The following DNAAF9 variants were observed in gnomAD, a reference collection of about 807,000 sequenced individuals.
DNAAF9 encodes dynein axonemal assembly factor 9.
Under a neutral mutation model 167.0 loss-of-function variants are expected in DNAAF9, and 90 were observed. The ratio of observed to expected loss-of-function variants is 0.54; its 90% CI spans 0.45 to 0.64. The LOEUF is 0.64. DNAAF9 is among the 30% of genes least tolerant of loss of function. DNAAF9 has a pLI of 0.00. For synonymous variants in DNAAF9, 491 were observed against 508.8 expected (o/e 0.96, Z 0.47); for missense variants, 1,315 against 1,442.2 (o/e 0.91, Z 1.43).
At chr20:3,359,141 A>G (rs550698570) in intron 7 of DNAAF9, among the ~76,000 whole-genome samples, 1 of 152,326 alleles carries the variant, frequency 6.6e-6, no homozygotes, top group South Asian at 2.1e-4. Context: ...CCGGGCTCTA[A>G]TCCTTGATTC....
intron 1 of DNAAF9, among the ~76,000 whole-genome samples, chr20:3,397,669 AT>A (rs2123295723): frequency 6.6e-6 from 1 of 151,268 alleles, no homozygotes; most frequent in South Asian, 2.1e-4. Flanking sequence ...ACCTTATTAT[AT>A]TAGTGGTTTA....
chr20:3,331,448 T>C (rs920053708), intron 11 of DNAAF9, among the ~76,000 whole-genome samples: 1 of 152,176 alleles, frequency 6.6e-6, no homozygotes, highest in African/African-American at 2.4e-5. Flanking sequence ...GAGACCTGCG[T>C]TCATTCCATA....
rs148120536 is a variant in DNAAF9 at position 3,356,402 on chromosome 20, C to T, written c.690+3114G>A. 5.0e-3 allele frequency among the ~76,000 whole-genome samples: 764 copies of T among 152,196 alleles called. 6 individuals are homozygous for T. The highest frequency in any genetic ancestry group is 0.017 in the African/African-American group (708 of 41,526). On this transcript the variant is annotated intron_variant, in intron 7 of 36. Coordinates refer to ENST00000252032, the MANE Select transcript of DNAAF9 (RefSeq NM_001009984.3). ...ATATTTGAAGGTTTTAGGAGAATTA[C>T]GAAATGTGTTCCTGGTAATTTCTCT...
intron 7 of DNAAF9, among the ~76,000 whole-genome samples, chr20:3,353,645 C>G (rs6037570): frequency 7.5e-5 from 10 of 133,564 alleles, no homozygotes; most frequent in African/African-American, 1.7e-4. Context: ...CACCCCCCCC[C>G]CCGCAAAAAA....
In DNAAF9 at chr20:3,294,568, A is replaced by T. The variant is rs2069029619; in HGVS notation, c.2080T>A (p.Ser694Thr). 2 of 1,613,684 alleles carry T rather than the reference A, an allele frequency of 1.2e-6. No individual in the cohort carries two copies. The highest frequency in any genetic ancestry group is 8.5e-7 in the Non-Finnish European group (1 of 1,179,668). ...LSQPAGEKRSSLKLLSAKLPE... is the reference protein window; with the variant it reads ...LSQPAGEKRSTLKLLSAKLPE... The stretch of plus-strand genomic sequence containing the variant: ...AGTTTGGCTGAGAGTAACTTTAGGG[A>T]ACTCCGTTTCTCCCCAGCAGGCTGG... The change falls in exon 24 of 37, where the codon TCC becomes ACC. Residue 694 changes from serine to threonine, a missense_variant. Coordinates refer to ENST00000252032, the MANE Select transcript of DNAAF9 (RefSeq NM_001009984.3).
chr20:3,378,337 G>A lies in DNAAF9; in HGVS notation c.284-2035C>T, dbSNP rs116595687. ...TTGTCCCTTTAGGAAGAGTTATTGT[G>A]TGCAGTGGTGAGCTTTGTACGCAGG... On this transcript the variant is annotated intron_variant, in intron 3 of 36. Transcript: ENST00000252032. Among the ~76,000 whole-genome samples, 421 of 152,312 alleles carry A rather than the reference G, an allele frequency of 2.8e-3. 1 individual carries two copies. Among genetic ancestry groups the A allele is most frequent in the African/African-American group, 9.5e-3 (396 of 41,564 alleles).
chr20:3,396,350 A>T (rs1315101001), intron 1 of DNAAF9, among the ~76,000 whole-genome samples: 1 of 152,212 alleles, frequency 6.6e-6, no homozygotes, highest in Non-Finnish European at 1.5e-5. Flanking sequence ...ATTTATTTAC[A>T]GTTTTTATTT....
chr20:3,343,816 C>T, intron 8 of DNAAF9, 85 bp from the exon 9 acceptor site: 2 of 984,486 alleles, frequency 2.0e-6, no homozygotes, highest in Non-Finnish European at 3.2e-6. Context: ...TGTATGTACA[C>T]ACATGCTTCA....
chr20:3,360,657 G>C (rs1158137871), intron 6 of DNAAF9, among the ~76,000 whole-genome samples: 2 of 152,130 alleles, frequency 1.3e-5, no homozygotes, highest in Non-Finnish European at 1.5e-5. Context: ...CCCTGCTGAG[G>C]ATCTTGAGAA....
chr20:3,298,169 T>C lies in DNAAF9; in HGVS notation c.1789A>G (p.Thr597Ala). The change falls in exon 22 of 37, where the codon ACC (threonine) becomes GCC (alanine). Residue 597 changes from threonine (T) to alanine (A), a missense_variant. By Grantham distance (58) the Thr-to-Ala change is moderately conservative (BLOSUM62 0). Coordinates refer to ENST00000252032, the MANE Select transcript of DNAAF9 (RefSeq NM_001009984.3). Reference protein sequence around the residue: ...NSISFYDGDSTSTVAALLIDF... With the variant: ...NSISFYDGDSASTVAALLIDF... Reference sequence around the variant, plus strand: ...ATGAGAAGAGCAGCAACAGTACTGGTGGAATCCTAAAGCGAAAAGGAGGGA... The same window carrying C: ...ATGAGAAGAGCAGCAACAGTACTGGCGGAATCCTAAAGCGAAAAGGAGGGA... 1.2e-6 allele frequency: 2 copies of C among 1,612,906 alleles called. No individual in the cohort carries two copies. Among genetic ancestry groups the C allele is most frequent in the Non-Finnish European group, 1.7e-6 (2 of 1,179,484 alleles).
At chr20:3,294,307 A>C (rs1379916353) in intron 24 of DNAAF9, 51 bp from the exon 25 acceptor site, 1 of 1,221,948 alleles carries the variant, frequency 8.2e-7, no homozygotes, top group Non-Finnish European at 1.2e-6. Context: ...CCTGTCCTGA[A>C]GGTGCCTACT....
Position 3,295,839 on chromosome 20 carries a change from A to G in DNAAF9, c.2018+1022T>C, listed in dbSNP as rs1053072958. ...AAAATTCAAAAATCAGTAAACAAAG[A>G]GTTTAATCCCCAAACGACATCCTTT... On this transcript the variant is annotated intron_variant, in intron 23 of 36. Transcript: ENST00000252032. The G allele has an allele frequency of 4.4e-6, 4 of 919,250 alleles. No homozygotes were observed. In the Admixed American group the frequency reaches 7.0e-5, roughly 16 times the overall value. The allele number at this position is 919,250 out of a possible 1,614,324, so 56.9% of individuals were successfully genotyped here.
intron 6 of DNAAF9, chr20:3,360,000 C>T (rs1398625010): frequency 6.4e-6 from 1 of 155,294 alleles, no homozygotes; most frequent in African/African-American, 2.4e-5. Flanking sequence ...TTTCCCAAAC[C>T]CCCACTAGTC....
At chr20:3,321,281 G>A (rs546307033) in intron 16 of DNAAF9, among the ~76,000 whole-genome samples, 69 of 152,172 alleles carry the variant, frequency 4.5e-4, no homozygotes, top group Non-Finnish European at 8.5e-4. Context: ...GAACATTGTA[G>A]AGTGTACTTA....
At chr20:3,382,598 G>T in intron 1 of DNAAF9, 92 bp from the exon 2 acceptor site, 1 of 948,192 alleles carries the variant, frequency 1.1e-6, no homozygotes, top group Non-Finnish European at 1.7e-6. Flanking sequence ...TCATGAGGAA[G>T]AGGAATGACT....
chr20:3,286,971 C>A (rs572217819), intron 27 of DNAAF9, among the ~76,000 whole-genome samples: 2 of 152,182 alleles, frequency 1.3e-5, no homozygotes, highest in Non-Finnish European at 2.9e-5. Context: ...GTGAGGGGCT[C>A]CTCCCTGAAA....
chr20:3,381,536 C>T (rs1303459681), intron 2 of DNAAF9, 38 bp from the exon 3 acceptor site: 4 of 1,585,932 alleles, frequency 2.5e-6, no homozygotes, highest in Non-Finnish European at 3.4e-6. Context: ...CTGTACCATA[C>T]TACAGGGAGC....
chr20:3,263,356 A>G (rs906331240), intron 31 of DNAAF9, among the ~76,000 whole-genome samples: 3 of 152,176 alleles, frequency 2.0e-5, no homozygotes, highest in Non-Finnish European at 2.9e-5. Flanking sequence ...AAAGTGAGTA[A>G]GAATAACAAA....
chr20:3,323,036 C>T (rs553692408), intron 14 of DNAAF9, among the ~76,000 whole-genome samples: 10 of 151,946 alleles, frequency 6.6e-5, no homozygotes, highest in African/African-American at 1.4e-4. Context: ...GCAGAGGCCA[C>T]GTCTCTGCAA....
Sources: allele counts gnomAD v4.1 joint callset (sites outside exome capture counted in the v4.1 genomes callset), GRCh38; gene constraint gnomAD v4.1.1; transcripts MANE v1.5; gene names NCBI Gene and HGNC (gene_info 2026-07-23, HGNC 2026-07-21).